CLXN: variants seen among roughly 807,000 people sequenced by gnomAD.
The protein encoded by CLXN is calaxin.
At chr8:48,721,902 TATG>T in the CLXN span, among the ~76,000 whole-genome samples, 1 of 152,156 alleles carries the variant, frequency 6.6e-6, no homozygotes, top group African/African-American at 2.4e-5. Context: ...GATTTTTGGA[TATG>T]ATGACAAAAA....
At chr8:48,735,275 G>A in the CLXN span, 1 of 1,111,370 alleles carries the variant, frequency 9.0e-7, no homozygotes, top group Non-Finnish European at 1.3e-6. Context: ...TACTGATCTC[G>A]TGCGCGGCCC....
At chr8:48,723,251 C>T in the CLXN span, among the ~76,000 whole-genome samples, 1 of 151,900 alleles carries the variant, frequency 6.6e-6, no homozygotes, top group Non-Finnish European at 1.5e-5. Flanking sequence ...AGTTGTATAC[C>T]TTAAATATAT....
chr8:48,730,789 A>G, the CLXN span: 2 of 472,604 alleles, frequency 4.2e-6, no homozygotes, highest in Non-Finnish European at 7.5e-6. Context: ...AGAGGAAACT[A>G]AGACATCATA....
the CLXN span, chr8:48,730,058 T>C: frequency 2.1e-6 from 1 of 465,246 alleles, no homozygotes; most frequent in Admixed American, 3.8e-5. Flanking sequence ...TATTTCCTGA[T>C]TCTCAATTAT....
the CLXN span, chr8:48,724,713 C>G: frequency 6.4e-7 from 1 of 1,557,064 alleles, no homozygotes; most frequent in Non-Finnish European, 8.7e-7. Flanking sequence ...CTTTTTTACT[C>G]ACTTGAGACA....
At chr8:48,726,843 A>C in the CLXN span, among the ~76,000 whole-genome samples, 1 of 137,562 alleles carries the variant, frequency 7.3e-6, no homozygotes, top group Non-Finnish European at 1.5e-5. Context: ...CCATCCATGC[A>C]TCCACCCATC....
the CLXN span, among the ~76,000 whole-genome samples, chr8:48,720,021 C>T: frequency 6.6e-6 from 1 of 152,188 alleles, no homozygotes; most frequent in East Asian, 1.9e-4. Context: ...ATTTCATGGA[C>T]ATTTATCAGT....
chr8:48,729,859 A>G, the CLXN span: 1 of 1,606,022 alleles, frequency 6.2e-7, no homozygotes, highest in East Asian at 2.2e-5. Context: ...CAAATCAAAC[A>G]CTTCAAAGCA....
chr8:48,721,400 T>G, the CLXN span, among the ~76,000 whole-genome samples: 1 of 152,136 alleles, frequency 6.6e-6, no homozygotes, highest in African/African-American at 2.4e-5. Context: ...ATGTACAGAC[T>G]CAATACAATC....
chr8:48,729,179 T>C, the CLXN span: 1 of 1,517,688 alleles, frequency 6.6e-7, no homozygotes, highest in Admixed American at 1.8e-5. Context: ...AGGCAACACG[T>C]AAAATGATTA....
chr8:48,725,588 G>T, the CLXN span, among the ~76,000 whole-genome samples: 1 of 152,158 alleles, frequency 6.6e-6, no homozygotes, highest in Non-Finnish European at 1.5e-5. Context: ...CTGATCACTT[G>T]AGGTCGGGAG....
chr8:48,724,373 T>C, the CLXN span: 1 of 161,234 alleles, frequency 6.2e-6, no homozygotes, highest in Non-Finnish European at 1.3e-5. Context: ...GATTTTTCAG[T>C]GTACACCCAG....
chr8:48,732,882 T>C, the CLXN span, among the ~76,000 whole-genome samples: 2 of 152,156 alleles, frequency 1.3e-5, no homozygotes, highest in Non-Finnish European at 2.9e-5. Context: ...ATTCCTCTTA[T>C]ATAAGGTACT....
At chr8:48,724,558 C>T in the CLXN span, 1 of 456,114 alleles carries the variant, frequency 2.2e-6, no homozygotes, top group Admixed American at 4.2e-5. Context: ...TAATAAGGGA[C>T]TTCTTGTCTT....
At chr8:48,727,780 G>A in the CLXN span, among the ~76,000 whole-genome samples, 1 of 152,290 alleles carries the variant, frequency 6.6e-6, no homozygotes, top group East Asian at 1.9e-4. Flanking sequence ...GACAGTGGAA[G>A]CCAGAAAGCT....
chr8:48,712,146 C>T, the CLXN span: 4 of 152,222 alleles, frequency 2.6e-5, no homozygotes, highest in Admixed American at 2.0e-4. Flanking sequence ...TGCTGGGAGG[C>T]AGTGACTCAG....
chr8:48,733,600 AT>A, the CLXN span, among the ~76,000 whole-genome samples: 1 of 152,212 alleles, frequency 6.6e-6, no homozygotes, highest in Non-Finnish European at 1.5e-5. Flanking sequence ...AAAATTTAAA[AT>A]TATTATAATG....
At chr8:48,720,292 C>T in the CLXN span, among the ~76,000 whole-genome samples, 1 of 152,196 alleles carries the variant, frequency 6.6e-6, no homozygotes, top group Admixed American at 6.5e-5. Context: ...GCAAAAAGAG[C>T]CGTATTTTTC....
At chr8:48,731,277 TC>T in the CLXN span, 1 of 1,459,538 alleles carries the variant, frequency 6.9e-7, no homozygotes, top group South Asian at 1.6e-5. Context: ...CAAGAGGATG[TC>T]CAAGCACCAA....
Sources: allele counts gnomAD v4.1 joint callset (sites outside exome capture counted in the v4.1 genomes callset), GRCh38; gene constraint gnomAD v4.1.1; transcripts MANE v1.5; gene names NCBI Gene and HGNC (gene_info 2026-07-23, HGNC 2026-07-21).